CASS4: variants seen among roughly 807,000 people sequenced by gnomAD.
CASS4 encodes the protein Cas scaffold protein family member 4, also known as cas scaffolding protein family member 4.
CASS4 carries 22 observed loss-of-function variants against 54.2 expected under a neutral mutation model. That is an observed-to-expected ratio of 0.41 (90% confidence interval 0.29 to 0.58). The LOEUF (loss-of-function observed/expected upper bound fraction) is 0.58, where lower values mean the gene tolerates loss of function less well. Ranked by LOEUF, CASS4 falls within the 20% of genes least tolerant of loss-of-function variation. The pLI is 0.36. For missense variants in CASS4, 854 were observed against 986.7 expected (o/e 0.87, Z 1.80); for synonymous variants, 409 against 391.5 (o/e 1.04, Z -0.53).
chr20:56,423,609 A>G (rs1979507915), intron 1 of CASS4, among the ~76,000 whole-genome samples: 1 of 152,062 alleles, frequency 6.6e-6, no homozygotes, highest in African/African-American at 2.4e-5. Context: ...CAGTGGCGCA[A>G]TCTCAGCTCA....
intron 5 of CASS4, among the ~76,000 whole-genome samples, chr20:56,458,130 T>A (rs1981387068): frequency 6.6e-6 from 1 of 151,586 alleles, no homozygotes; most frequent in Admixed American, 6.6e-5. Context: ...TATGTATGTA[T>A]TACAATATAA....
intron 5 of CASS4, among the ~76,000 whole-genome samples, chr20:56,455,387 T>C (rs1474495597): frequency 6.6e-6 from 1 of 152,126 alleles, no homozygotes; most frequent in East Asian, 1.9e-4. Context: ...TTACCTAGGT[T>C]ATAGGGCAGA....
At chr20:56,441,974 A>T (rs956598641) in intron 2 of CASS4, among the ~76,000 whole-genome samples, 11 of 152,218 alleles carry the variant, frequency 7.2e-5, no homozygotes, top group Non-Finnish European at 1.0e-4. Context: ...TGCTCATGTC[A>T]TCTAGCCATT....
chr20:56,460,259 A>C lies in CASS4; in HGVS notation c.*1512A>C, dbSNP rs1020189298. ...TGAAAAATTTTATATTTTGTCTCAA[A>C]TCTGTTACAATTTATATTGGTTGGT... On this transcript the variant is annotated 3_prime_UTR_variant, in exon 6 of 6. Transcript: ENST00000679887. 1 of 152,432 alleles carries C rather than the reference A, an allele frequency of 6.6e-6. No individual in the cohort carries two copies. The highest frequency in any genetic ancestry group is 1.5e-5 in the Non-Finnish European group (1 of 67,972). The allele number at this position is 152,432 out of a possible 1,614,324, so 9.4% of individuals were successfully genotyped here.
chr20:56,445,463 C>G (rs1186832270), intron 2 of CASS4, among the ~76,000 whole-genome samples: 7 of 152,224 alleles, frequency 4.6e-5, no homozygotes, highest in African/African-American at 1.7e-4. Flanking sequence ...GTGCACTTCT[C>G]CAGCCTCAGC....
At position 56,452,822 on chromosome 20, in the gene CASS4, C is replaced by T. The variant is rs765956674; in HGVS notation, c.1646C>T (p.Thr549Ile). 8 of 1,614,092 alleles carry T rather than the reference C, an allele frequency of 5.0e-6. No individual in the cohort carries two copies. In the African/African-American group the frequency reaches 8.0e-5, roughly 16 times the overall value. The change falls in exon 5 of 6, where the codon ACT (threonine) becomes ATT (isoleucine). Residue 549 changes from threonine to isoleucine, a missense_variant. Thr to Ile is a moderately conservative substitution (Grantham distance 89). Transcript: ENST00000679887. ...AATTGGCCTCTGGAAGTTCTTGTGA[C>T]TGACAGTGTCCAGAACAGCCCAGAT... is the stretch of plus-strand genomic sequence containing the variant. ...NRNWPLEVLV[T>I]DSVQNSPDDL...
At chr20:56,438,452 T>C (rs1980298070) in intron 2 of CASS4, among the ~76,000 whole-genome samples, 1 of 152,124 alleles carries the variant, frequency 6.6e-6, no homozygotes, top group African/African-American at 2.4e-5. Flanking sequence ...GGATTGGTTA[T>C]ACATATCTTG....
rs1371377113 is a variant in CASS4 at position 56,450,654 on chromosome 20, T to G, written c.617T>G (p.Leu206Arg). 3 of 1,614,000 alleles carry G rather than the reference T, an allele frequency of 1.9e-6. No homozygotes were observed. In the African/African-American group the frequency reaches 4.0e-5, roughly 22 times the overall value. ...CCAGCCAGCCCCAAGAAGGCAGGAC[T>G]CCATCCCCCAGACAGCCAAGCAAGT... Reference protein sequence around the residue: ...DIPASPKKAGLHPPDSQASGQ... With the variant: ...DIPASPKKAGRHPPDSQASGQ... The change falls in exon 4 of 6, where the codon CTC (leucine) becomes CGC (arginine). Residue 206 changes from leucine (L) to arginine (R), a missense_variant. Leu to Arg is a moderately radical substitution (Grantham distance 102, BLOSUM62 -2). Coordinates refer to ENST00000679887, the MANE Select transcript of CASS4 (RefSeq NM_020356.4).
rs553000066 is a variant in CASS4, at chr20:56,442,775, G to A, written c.460-3125G>A. Among the ~76,000 whole-genome samples, 46 of 151,874 alleles carry A rather than the reference G, an allele frequency of 3.0e-4. No individual in the cohort carries two copies. The South Asian group carries it at 9.1e-3, about 30-fold the overall frequency. On this transcript the variant is annotated intron_variant, in intron 2 of 5. Coordinates refer to ENST00000679887, the MANE Select transcript of CASS4 (RefSeq NM_020356.4). ...AGATTTCCTGGTGAAACTGCTTTTG[G>A]ATCCACTAGTTCCTGAACTGGAGTT...
At position 56,459,186 on chromosome 20, in the gene CASS4, T is replaced by G; in HGVS notation, c.*439T>G. On this transcript the variant is annotated 3_prime_UTR_variant, in exon 6 of 6. Coordinates refer to ENST00000679887, the MANE Select transcript of CASS4 (RefSeq NM_020356.4). ...CCGCCTCAGCCTCCAGAGTAGCTGG[T>G]ACTACAGGTGTGCGCCACCATGCCC... The G allele has an allele frequency of 6.0e-6, 1 of 165,726 alleles. No individual in the cohort carries two copies. The highest frequency in any genetic ancestry group is 1.3e-5 in the Non-Finnish European group (1 of 75,780). 10.3% of individuals were successfully genotyped at this position (165,726 alleles called of 1,614,324 possible).
At chr20:56,454,289 G>A (rs1372154440) in intron 5 of CASS4, among the ~76,000 whole-genome samples, 1 of 152,180 alleles carries the variant, frequency 6.6e-6, no homozygotes, top group African/African-American at 2.4e-5. Context: ...GCCTTAAGAG[G>A]CCCAGAAGTC....
In CASS4 at chr20:56,458,804, G is replaced by C. The variant is rs1156898287; in HGVS notation, c.*57G>C. The C allele has an allele frequency of 1.4e-6, 2 of 1,467,566 alleles. No homozygotes were observed. The highest frequency in any genetic ancestry group is 1.8e-6 in the Non-Finnish European group (2 of 1,093,244). The allele number at this position is 1,467,566 out of a possible 1,614,324, so 90.9% of individuals were successfully genotyped here. ...CCTCTCAGCTTCACACCCACAACTT[G>C]TGCAACTCTGCCCTATGGGAAAAGC... On this transcript the variant is annotated 3_prime_UTR_variant, in exon 6 of 6. Transcript: ENST00000679887.
At chr20:56,423,361 A>G (rs1315850777) in intron 1 of CASS4, among the ~76,000 whole-genome samples, 1 of 152,098 alleles carries the variant, frequency 6.6e-6, no homozygotes, top group African/African-American at 2.4e-5. Context: ...TGTTATTTCC[A>G]ATGCTCCCCA....
intron 1 of CASS4, among the ~76,000 whole-genome samples, chr20:56,416,954 C>T (rs1292645564): frequency 6.6e-6 from 1 of 152,180 alleles, no homozygotes; most frequent in Non-Finnish European, 1.5e-5. Context: ...AAGAGCAAAT[C>T]TTTTTTGTCT....
chr20:56,441,020 G>A (rs1257032858), intron 2 of CASS4, among the ~76,000 whole-genome samples: 3 of 139,846 alleles, frequency 2.1e-5, no homozygotes, highest in South Asian at 2.2e-4. Flanking sequence ...GCAGAATCTC[G>A]CTCTGTCACC....
chr20:56,442,000 C>G (rs1296306753), intron 2 of CASS4, among the ~76,000 whole-genome samples: 1 of 152,052 alleles, frequency 6.6e-6, no homozygotes, highest in Non-Finnish European at 1.5e-5. Context: ...TGAGGCTAAA[C>G]CCGCCCAGAA....
In CASS4 at chr20:56,450,684, G is replaced by A. The variant is rs1196724573; in HGVS notation, c.642+5G>A. On this transcript the variant is annotated splice_donor_5th_base_variant and intron_variant, in intron 4 of 5. Coordinates refer to ENST00000679887, the MANE Select transcript of CASS4 (RefSeq NM_020356.4). ...CCCCCAGACAGCCAAGCAAGTGTAA[G>A]TATGAAGAGGTGCTAAGGTGCGGTG... The A allele has an allele frequency of 1.9e-6, 3 of 1,613,570 alleles. No individual in the cohort carries two copies. In the African/African-American group the frequency reaches 4.0e-5, roughly 22 times the overall value.
rs528651720 is a variant in CASS4, at chr20:56,414,679, G to A, written c.36+2185G>A. Among the ~76,000 whole-genome samples the A allele has an allele frequency of 8.5e-5, 13 of 152,208 alleles. No homozygotes were observed. The highest frequency in any genetic ancestry group is 3.9e-4 in the East Asian group (2 of 5,174). The stretch of plus-strand genomic sequence containing the variant: ...AATATTATACAGATAGGCCGGGAGC[G>A]GTGGCTCATGCCTGTAATCCCACCA... On this transcript the variant is annotated intron_variant, in intron 1 of 5. Transcript: ENST00000679887. This position sits in a 1 kb window ranked among gnomAD's most constrained non-coding sequence, Gnocchi z 4.1.
intron 1 of CASS4, among the ~76,000 whole-genome samples, chr20:56,432,025 A>C (rs1600755011): frequency 6.6e-6 from 1 of 152,138 alleles, no homozygotes. Flanking sequence ...AATTTTGATC[A>C]ATTAATAGGG....
Sources: allele counts gnomAD v4.1 joint callset (sites outside exome capture counted in the v4.1 genomes callset), GRCh38; gene constraint gnomAD v4.1.1; non-coding constraint Gnocchi (gnomAD v3.1); transcripts MANE v1.5; gene names NCBI Gene and HGNC (gene_info 2026-07-23, HGNC 2026-07-21).